CHMP3: variants seen among roughly 807,000 people sequenced by gnomAD.
CHMP3 encodes the protein 25.1 protein.
In CHMP3, 8 loss-of-function variants were observed where a neutral mutation model predicts 27.4. The ratio of observed to expected loss-of-function variants is 0.29; its 90% CI spans 0.17 to 0.53. The LOEUF (loss-of-function observed/expected upper bound fraction) is 0.53, where lower values mean the gene tolerates loss of function less well. CHMP3 is among the 20% of genes least tolerant of loss of function. The pLI is 0.96. For synonymous variants in CHMP3, 86 were observed against 85.5 expected (o/e 1.01, Z -0.03); for missense variants, 208 against 271.5 (o/e 0.77, Z 1.64).
At chr2:86,528,199 T>C (rs116769226) in intron 3 of CHMP3, among the ~76,000 whole-genome samples, 1,897 of 152,258 alleles carry the variant, frequency 0.012, 32 homozygotes, top group African/African-American at 0.042. Context: ...AAATAATGCA[T>C]TAGAAACCCA....
In CHMP3 at chr2:86,529,366, T is replaced by A; in HGVS notation, c.138A>T (p.Arg46=). ...CCTTCTTGGCAGCATCTTTCACAGATCGTTTCACTTTTTCTTCTTCTCTTT... is the reference window on the plus strand; with the variant it reads ...CCTTCTTGGCAGCATCTTTCACAGAACGTTTCACTTTTTCTTCTTCTCTTT... The part of the protein sequence containing the change: ...DIQREEEKVK[R]SVKDAAKKGQ... The change falls in exon 3 of 6, where the codon CGA becomes CGT. Residue 46 remains arginine (R), a synonymous_variant. Transcript: ENST00000263856. The A allele has an allele frequency of 6.2e-7, 1 of 1,602,310 alleles. No homozygotes were observed. The highest frequency in any genetic ancestry group is 1.1e-5 in the South Asian group (1 of 88,288).
At chr2:86,509,118 C>T (rs986082827) in intron 4 of CHMP3, among the ~76,000 whole-genome samples, 19 of 152,188 alleles carry the variant, frequency 1.2e-4, no homozygotes, top group African/African-American at 4.3e-4. Flanking sequence ...ATGTACTACA[C>T]GCAAGCCTTC....
At chr2:86,535,391 T>C (rs1012701599) in intron 2 of CHMP3, among the ~76,000 whole-genome samples, 2 of 152,228 alleles carry the variant, frequency 1.3e-5, no homozygotes, top group Non-Finnish European at 2.9e-5. Context: ...TACTTGATTT[T>C]TTTGGTTAAT....
rs113159733 is a variant in CHMP3 at position 86,507,132 on chromosome 2, G to A, written c.523+347C>T. ...CCCCACCTGAGCCTCCCAAAGTGCT[G>A]GGATAACAGGCGTGAGCCATCGCAC... On this transcript the variant is annotated intron_variant, in intron 5 of 5. Coordinates refer to ENST00000263856, the MANE Select transcript of CHMP3 (RefSeq NM_016079.4). 1.7e-3 allele frequency: 288 copies of A among 167,326 alleles called. 2 individuals carry two copies. The highest frequency in any genetic ancestry group is 6.7e-3 in the African/African-American group (279 of 41,836). 10.4% of individuals were successfully genotyped at this position (167,326 alleles called of 1,614,324 possible).
At chr2:86,561,811 T>C (rs991848273) in intron 1 of CHMP3, 3 of 152,322 alleles carry the variant, frequency 2.0e-5, no homozygotes, top group Middle Eastern at 3.4e-3. Context: ...TAGAGTAGTA[T>C]AGTAGTACAT....
chr2:86,510,645 T>G, intron 3 of CHMP3, 166 bp from the exon 4 acceptor site: 4 of 970,974 alleles, frequency 4.1e-6, no homozygotes, highest in Non-Finnish European at 5.9e-6. Context: ...AGATTGACTT[T>G]CCTAAATTGT....
At chr2:86,520,695 T>C (rs991017313) in intron 3 of CHMP3, among the ~76,000 whole-genome samples, 1 of 152,196 alleles carries the variant, frequency 6.6e-6, no homozygotes, top group African/African-American at 2.4e-5. Flanking sequence ...CAAAGATCCA[T>C]ACCTTGCAAA....
chr2:86,529,493 G>A, intron 2 of CHMP3, 96 bp from the exon 3 acceptor site: 1 of 1,184,586 alleles, frequency 8.4e-7, no homozygotes. Flanking sequence ...CTATTAAATA[G>A]AAAAACATAT....
intron 2 of CHMP3, among the ~76,000 whole-genome samples, chr2:86,532,024 A>C (rs966558041): frequency 1.3e-5 from 2 of 152,196 alleles, no homozygotes; most frequent in African/African-American, 4.8e-5. Flanking sequence ...TGCACTTTGA[A>C]TGTATAAGAT....
chr2:86,525,574 G>A (rs1675672274), intron 3 of CHMP3, among the ~76,000 whole-genome samples: 1 of 151,410 alleles, frequency 6.6e-6, no homozygotes, highest in Admixed American at 6.6e-5. Flanking sequence ...TGCATCAGAT[G>A]GGATTCCCTC....
intron 2 of CHMP3, among the ~76,000 whole-genome samples, chr2:86,539,837 T>A (rs1386936035): frequency 6.6e-6 from 1 of 152,100 alleles, no homozygotes; most frequent in Non-Finnish European, 1.5e-5. Flanking sequence ...AAATCCAAGT[T>A]TCTATCTGGT....
chr2:86,523,596 A>C (rs993198049), intron 3 of CHMP3, among the ~76,000 whole-genome samples: 2 of 152,136 alleles, frequency 1.3e-5, no homozygotes, highest in African/African-American at 4.8e-5. Flanking sequence ...TTTGTAGCTC[A>C]GTCTATATGC....
At chr2:86,533,836 T>G (rs1002097565) in intron 2 of CHMP3, among the ~76,000 whole-genome samples, 2 of 152,184 alleles carry the variant, frequency 1.3e-5, no homozygotes, top group Non-Finnish European at 2.9e-5. Flanking sequence ...TTAATTTTCC[T>G]CTGAGTGTTG....
At chr2:86,558,371 G>C (rs1328495574) in intron 1 of CHMP3, among the ~76,000 whole-genome samples, 1 of 152,136 alleles carries the variant, frequency 6.6e-6, no homozygotes, top group Non-Finnish European at 1.5e-5. Context: ...AGTCTGCAGA[G>C]GCTCCTAACA....
intron 1 of CHMP3, among the ~76,000 whole-genome samples, chr2:86,555,515 A>AG (rs768385288): frequency 7.3e-5 from 10 of 136,542 alleles, no homozygotes; most frequent in Non-Finnish European, 8.2e-5. Flanking sequence ...AAAAAAATAA[A>AG]TAAATAAATA....
chr2:86,504,457 G>C lies in CHMP3; in HGVS notation c.*1347C>G, dbSNP rs28664065. The C allele has an allele frequency of 6.2e-4, 92 of 149,350 alleles. No homozygotes were observed. The highest frequency in any genetic ancestry group is 2.1e-3 in the African/African-American group (86 of 40,508). 9.3% of individuals were successfully genotyped at this position (149,350 alleles called of 1,614,324 possible). A position where few individuals can be genotyped will look rare whatever the true frequency, so the allele number is the denominator to read the frequency against. On this transcript the variant is annotated 3_prime_UTR_variant, in exon 6 of 6. Transcript: ENST00000263856. ...AATTTTTTAACTACACTCTGAAGATGAAATCAAGAGTAATAGGAGGGTCCT... is the reference window on the plus strand; with the variant it reads ...AATTTTTTAACTACACTCTGAAGATCAAATCAAGAGTAATAGGAGGGTCCT...
chr2:86,531,767 T>C (rs1017475145), intron 2 of CHMP3, among the ~76,000 whole-genome samples: 1 of 152,246 alleles, frequency 6.6e-6, no homozygotes, highest in African/African-American at 2.4e-5. Context: ...CAAAAATCAG[T>C]TGACAACAGA....
chr2:86,547,884 T>C (rs535193021), intron 1 of CHMP3, among the ~76,000 whole-genome samples: 5 of 152,296 alleles, frequency 3.3e-5, no homozygotes, highest in Non-Finnish European at 7.4e-5. Flanking sequence ...ACAAGGAACC[T>C]ATAGAAAGAG....
At chr2:86,542,523 T>G (rs1377467708) in intron 1 of CHMP3, among the ~76,000 whole-genome samples, 1 of 152,162 alleles carries the variant, frequency 6.6e-6, no homozygotes, top group Non-Finnish European at 1.5e-5. Context: ...ATTCAAAGAT[T>G]CGTAGCCGAG....
Sources: gnomAD v4.1 joint callset for allele counts (sites outside exome capture counted in the v4.1 genomes callset) on GRCh38, gnomAD v4.1.1 for gene constraint, MANE v1.5 for transcripts, NCBI Gene and HGNC (gene_info 2026-07-23, HGNC 2026-07-21) for gene names.